Variants in FAM91A1 observed in about 807,000 individuals in gnomAD.
FAM91A1 encodes protein FAM91A1.
FAM91A1 carries 41 observed loss-of-function variants against 113.5 expected under a neutral mutation model. The observed-to-expected ratio is 0.36, with a 90% CI of 0.28 to 0.47. FAM91A1 has a LOEUF of 0.47. Ranked by LOEUF, FAM91A1 falls within the 20% of genes least tolerant of loss-of-function variation. The pLI is 1.00. For synonymous variants in FAM91A1, 307 were observed against 347.9 expected, an observed-to-expected ratio of 0.88 and a Z score of 1.31; for missense variants, 696 against 1,001.2, an observed-to-expected ratio of 0.70 and a Z score of 4.11.
At position 123,775,157 on chromosome 8, in the gene FAM91A1, C is replaced by G. The variant is rs766697822; in HGVS notation, c.168C>G (p.Val56=). 6.9e-6 allele frequency: 11 copies of G among 1,604,120 alleles called. No homozygotes were observed. Among genetic ancestry groups the G allele is most frequent in the Non-Finnish European group, 9.4e-6 (11 of 1,174,986 alleles). The change falls in exon 3 of 24, where the codon GTC becomes GTG. Residue 56 remains valine (V), a synonymous_variant. Coordinates refer to ENST00000334705, the MANE Select transcript of FAM91A1 (RefSeq NM_144963.4). ...LRYRNNLVKH[V]KKDERRYYEE... ...CCCTCTTTTGTGCAGTTAAACATGT[C>G]AAGAAAGATGAACGCAGATACTATG...
chr8:123,808,775 A>G, intron 21 of FAM91A1, 118 bp from the exon 22 acceptor site: 2 of 980,934 alleles, frequency 2.0e-6, no homozygotes, highest in Non-Finnish European at 2.8e-6. Flanking sequence ...ACTGGTGGAT[A>G]TCAGTGGGGC....
rs568168415 is a variant in FAM91A1 at position 123,798,069 on chromosome 8, GT to G, written c.1412-20del. 6.2e-7 allele frequency: 1 copy of G among 1,603,600 alleles called. No homozygotes were observed. Among genetic ancestry groups the G allele is most frequent in the East Asian group, 2.3e-5 (1 of 44,380 alleles). On this transcript the variant is annotated intron_variant, in intron 15 of 23. Coordinates refer to ENST00000334705, the MANE Select transcript of FAM91A1 (RefSeq NM_144963.4). ...ACACTCTCAGTCTTTTATTCTGTGT[GT>G]GTGCTTGATCATAACTCAGGTTTTC...
rs755086763 is a variant in FAM91A1 at position 123,812,612 on chromosome 8, G to A, written c.2425G>A (p.Ala809Thr). 1 of 1,611,284 alleles carries A rather than the reference G, an allele frequency of 6.2e-7. No homozygotes were observed. Among genetic ancestry groups the A allele is most frequent in the South Asian group, 1.1e-5 (1 of 90,570 alleles). The stretch of plus-strand genomic sequence containing the variant: ...TGCTGACATGGGTGTTCCACTTCCT[G>A]CAAAAAACTTAATATTTAAAGATGG... Reference protein sequence around the residue: ...SCADMGVPLPAKNLIFKDGVL... With the variant: ...SCADMGVPLPTKNLIFKDGVL... Residue 809 changes from alanine (A) to threonine (T), a missense_variant, in exon 24 of 24, where the codon GCA (alanine) becomes ACA (threonine). Coordinates refer to ENST00000334705, the MANE Select transcript of FAM91A1 (RefSeq NM_144963.4).
chr8:123,799,677 G>T (rs751559900), intron 17 of FAM91A1, 23 bp downstream of exon 17: 7 of 1,612,628 alleles, frequency 4.3e-6, no homozygotes, highest in East Asian at 2.2e-5. Context: ...GGTTTGGGTG[G>T]TTTTTTTATG....
rs1279233318 is a variant in FAM91A1 at position 123,814,235 on chromosome 8, ACT to A, written c.*1534_*1535del. On this transcript the variant is annotated 3_prime_UTR_variant, in exon 24 of 24. Coordinates refer to ENST00000334705, the MANE Select transcript of FAM91A1 (RefSeq NM_144963.4). ...TACTAATATTAAATAATTTCTTACG[ACT>A]CTGAGTCACTCACTTATTTTTCCAA... 5.9e-5 allele frequency: 21 copies of A among 357,186 alleles called. No individual in the cohort carries two copies. The highest frequency in any genetic ancestry group is 1.1e-4 in the Non-Finnish European group (21 of 189,328). 22.1% of individuals were successfully genotyped at this position (357,186 alleles called of 1,614,324 possible).
rs181682952 is a variant in FAM91A1 at position 123,796,732 on chromosome 8, C to G, written c.1412-1358C>G. ...TCGGCCTCCCAGAGTACTGGGATTA[C>G]AGGCATGATGCACTGTGCCTGGCCT... On this transcript the variant is annotated intron_variant, in intron 15 of 23. Coordinates refer to ENST00000334705, the MANE Select transcript of FAM91A1 (RefSeq NM_144963.4). 3.4e-4 allele frequency among the ~76,000 whole-genome samples: 51 copies of G among 148,666 alleles called. No individual in the cohort carries two copies. The East Asian group carries it at 0.011, about 31-fold the overall frequency.
intron 18 of FAM91A1, among the ~76,000 whole-genome samples, chr8:123,804,302 A>G (rs980596786): frequency 2.0e-5 from 3 of 151,978 alleles, no homozygotes; most frequent in Non-Finnish European, 2.9e-5. Flanking sequence ...CCTGGCCAAC[A>G]TGGAGAAATC....
Position 123,780,505 on chromosome 8 carries a change from T to C in FAM91A1, c.666T>C (p.Tyr222=). ...VHSLYNKGFI[Y]LDVPISDDSC... is the part of the protein sequence containing the mutation. Reference sequence around the variant, plus strand: ...GTTTGTATAACAAAGGATTTATTTATCTGGATGTACCAATATCTGATGACA... The same window carrying C: ...GTTTGTATAACAAAGGATTTATTTACCTGGATGTACCAATATCTGATGACA... The change falls in exon 8 of 24, where the codon TAT becomes TAC. Residue 222 remains tyrosine (Y), a synonymous_variant. Coordinates refer to ENST00000334705, the MANE Select transcript of FAM91A1 (RefSeq NM_144963.4). 6.2e-7 allele frequency: 1 copy of C among 1,611,964 alleles called. No homozygotes were observed.
In FAM91A1 at chr8:123,808,073, G is replaced by A. The variant is rs145192510; in HGVS notation, c.2033-199G>A. Among the ~76,000 whole-genome samples the A allele has an allele frequency of 3.6e-3, 543 of 152,284 alleles. 4 individuals are homozygous for A. Among genetic ancestry groups the A allele is most frequent in the African/African-American group, 0.013 (532 of 41,566 alleles). On this transcript the variant is annotated intron_variant, in intron 20 of 23. Transcript: ENST00000334705. ...TGTTTAGCATTCATAGATACGAATA[G>A]CATCCCTGTCTTCATTCGTGTCCCT...
rs1815946047 is a variant in FAM91A1 at position 123,811,237 on chromosome 8, G to T, written c.2331+886G>T. On this transcript the variant is annotated intron_variant, in intron 23 of 23. Transcript: ENST00000334705. ...CATGAAAGAGGGGTAGAAGCAAGAGGTAAGGTTGAAGAAGAGGGCCGGAGC... is the reference window on the plus strand; with the variant it reads ...CATGAAAGAGGGGTAGAAGCAAGAGTTAAGGTTGAAGAAGAGGGCCGGAGC... 3.3e-5 allele frequency: 5 copies of T among 152,360 alleles called. No individual in the cohort carries two copies. In the South Asian group the frequency reaches 8.3e-4, roughly 25 times the overall value. The allele number at this position is 152,360 out of a possible 1,614,324, so 9.4% of individuals were successfully genotyped here. A position where few individuals can be genotyped will look rare whatever the true frequency, so the allele number is the denominator to read the frequency against.
intron 15 of FAM91A1, among the ~76,000 whole-genome samples, chr8:123,797,368 T>G (rs917987211): frequency 2.0e-5 from 3 of 152,132 alleles, no homozygotes; most frequent in African/African-American, 7.2e-5. Flanking sequence ...TAGATGGAAC[T>G]TACAGTGTGT....
chr8:123,774,736 CAG>C (rs1317841058), intron 2 of FAM91A1, among the ~76,000 whole-genome samples: 1 of 152,060 alleles, frequency 6.6e-6, no homozygotes, highest in Admixed American at 6.5e-5. Context: ...CCATGAAAGT[CAG>C]AGGGCTTTTT....
chr8:123,806,400 GT>G (rs1312436021), intron 20 of FAM91A1, among the ~76,000 whole-genome samples, 171 bp downstream of exon 20: 11 of 152,196 alleles, frequency 7.2e-5, no homozygotes, highest in African/African-American at 2.4e-4. Context: ...ACAAATGTCA[GT>G]TGTTCAAATG....
intron 11 of FAM91A1, 71 bp downstream of exon 11, chr8:123,785,812 A>T (rs1563640396): frequency 2.4e-6 from 2 of 817,420 alleles, no homozygotes; most frequent in Non-Finnish European, 3.7e-6. Flanking sequence ...TACATACATA[A>T]ATTTATTTAT....
intron 18 of FAM91A1, among the ~76,000 whole-genome samples, chr8:123,804,490 TAAAAAAAAAAAAAAAAA>T (rs57808944): frequency 6.8e-5 from 5 of 73,834 alleles, no homozygotes; most frequent in East Asian, 4.0e-4. Flanking sequence ...GACTCTGTTT[TAAAAAAAAAAAAAAAAA>T]AAAAAAAAAA....
chr8:123,786,513 G>A lies in FAM91A1; in HGVS notation c.981G>A (p.Gln327=), dbSNP rs1015132908. ...TTAATAGGAGTACCTTAGATCCACAGAAGATGCTCTTGTCATGGGATGGAG... is the reference window on the plus strand; with the variant it reads ...TTAATAGGAGTACCTTAGATCCACAAAAGATGCTCTTGTCATGGGATGGAG... ...VNRLKSTLDP[Q]KMLLSWDGGE... The change falls in exon 12 of 24, where the codon CAG becomes CAA. Residue 327 remains glutamine (Q), a synonymous_variant. Coordinates refer to ENST00000334705, the MANE Select transcript of FAM91A1 (RefSeq NM_144963.4). 6.2e-7 allele frequency: 1 copy of A among 1,613,558 alleles called. No individual in the cohort carries two copies. Among genetic ancestry groups the A allele is most frequent in the African/African-American group, 1.3e-5 (1 of 75,036 alleles).
intron 22 of FAM91A1, 82 bp from the exon 23 acceptor site, chr8:123,810,200 T>G: frequency 7.4e-7 from 1 of 1,351,530 alleles, no homozygotes; most frequent in Non-Finnish European, 1.0e-6. Context: ...TGCATTTAAA[T>G]TGCTAAAATT....
At chr8:123,790,952 A>G (rs532650318) in intron 15 of FAM91A1, among the ~76,000 whole-genome samples, 100 of 152,364 alleles carry the variant, frequency 6.6e-4, no homozygotes, top group Middle Eastern at 3.4e-3. Flanking sequence ...TAAATACTAA[A>G]TCATGTGATA....
At chr8:123,812,414 C>CAAAA in intron 23 of FAM91A1, 105 bp from the exon 24 acceptor site, 1 of 970,852 alleles carries the variant, frequency 1.0e-6, no homozygotes. Context: ...GCTTTGCAAT[C>CAAAA]CATAAACACT....
Sources: gnomAD v4.1 joint callset for allele counts (sites outside exome capture counted in the v4.1 genomes callset) on GRCh38, gnomAD v4.1.1 for gene constraint, MANE v1.5 for transcripts, NCBI Gene and HGNC (gene_info 2026-07-23, HGNC 2026-07-21) for gene names.